Variants in KCNH7 observed in about 807,000 individuals in gnomAD.
KCNH7 encodes voltage-gated inwardly rectifying potassium channel KCNH7.
KCNH7 carries 49 observed loss-of-function variants against 120.8 expected under a neutral mutation model. The ratio of observed to expected loss-of-function variants is 0.41; its 90% CI spans 0.32 to 0.51. KCNH7 has a LOEUF of 0.51. KCNH7 is among the 20% of genes least tolerant of loss of function. The pLI, the probability that KCNH7 is intolerant of heterozygous loss-of-function variation, is 0.38. For missense variants in KCNH7, 1,097 were observed against 1,446.6 expected, an observed-to-expected ratio of 0.76 and a Z score of 3.92; for synonymous variants, 547 against 516.1, an observed-to-expected ratio of 1.06 and a Z score of -0.81.
intron 2 of KCNH7, among the ~76,000 whole-genome samples, chr2:162,676,361 A>G (rs1234042427): frequency 6.6e-6 from 1 of 151,544 alleles, no homozygotes; most frequent in East Asian, 1.9e-4. Context: ...GTTGGGTTTA[A>G]ACAGATAGCA....
chr2:162,762,084 CCTTT>C, intron 2 of KCNH7, among the ~76,000 whole-genome samples: 1 of 152,016 alleles, frequency 6.6e-6, no homozygotes, highest in Non-Finnish European at 1.5e-5. Flanking sequence ...ACAAAGGCTC[CCTTT>C]CTTTCTGCTT....
Position 162,384,894 on chromosome 2 carries a change from T to A in KCNH7, c.2756A>T (p.His919Leu). The change falls in exon 13 of 16, where the codon CAT (histidine) becomes CTT (leucine). Residue 919 changes from histidine to leucine, a missense_variant. Physicochemically the swap from His to Leu is moderately conservative, Grantham distance 99. This residue lies in a region of KCNH7 where 406 missense variants were observed against 410.5 expected (regional missense o/e 0.99). Coordinates refer to ENST00000332142, the MANE Select transcript of KCNH7 (RefSeq NM_033272.4). ...DPEDSADTIRHYQSSKRHFEE... is the reference protein window; with the variant it reads ...DPEDSADTIRLYQSSKRHFEE... The stretch of plus-strand genomic sequence containing the variant: ...AAAGTGTCTCTTGGAACTCTGATAA[T>A]GTCTTATGGTATCTGCAGAGTCTTC... 6.2e-7 allele frequency: 1 copy of A among 1,612,176 alleles called. No individual in the cohort carries two copies. The highest frequency in any genetic ancestry group is 8.5e-7 in the Non-Finnish European group (1 of 1,178,632).
chr2:162,811,073 A>G (rs1017311601), intron 2 of KCNH7, among the ~76,000 whole-genome samples: 2 of 152,130 alleles, frequency 1.3e-5, no homozygotes, highest in Non-Finnish European at 2.9e-5. Flanking sequence ...CTTATGATGA[A>G]TGGCTTTTCT....
intron 2 of KCNH7, among the ~76,000 whole-genome samples, chr2:162,669,482 T>C (rs1456517712): frequency 6.6e-6 from 1 of 152,114 alleles, no homozygotes; most frequent in Admixed American, 6.6e-5. Context: ...ATCTAGGAGG[T>C]GTACAACTCT....
At chr2:162,683,077 A>G (rs964644137) in intron 2 of KCNH7, among the ~76,000 whole-genome samples, 1 of 151,896 alleles carries the variant, frequency 6.6e-6, no homozygotes, top group African/African-American at 2.4e-5. Context: ...AAAAATTTCA[A>G]GCATTGTAGC....
intron 6 of KCNH7, among the ~76,000 whole-genome samples, chr2:162,468,259 A>G (rs1007840273): frequency 5.9e-5 from 9 of 152,184 alleles, no homozygotes; most frequent in Non-Finnish European, 1.0e-4. Flanking sequence ...AGAGAAGAAA[A>G]GTTCTGCAGC....
chr2:162,797,283 G>C (rs1403761008), intron 2 of KCNH7: 3 of 152,144 alleles, frequency 2.0e-5, no homozygotes, highest in African/African-American at 7.2e-5. Context: ...CTGGATTATT[G>C]CATTGGTAAT....
intron 2 of KCNH7, among the ~76,000 whole-genome samples, chr2:162,758,457 T>C (rs771015495): frequency 1.3e-5 from 2 of 152,148 alleles, no homozygotes; most frequent in African/African-American, 4.8e-5. Flanking sequence ...ATTGTTTATA[T>C]GTACACACAC....
At chr2:162,464,915 A>T (rs1183000157) in intron 6 of KCNH7, among the ~76,000 whole-genome samples, 1 of 152,110 alleles carries the variant, frequency 6.6e-6, no homozygotes, top group Non-Finnish European at 1.5e-5. Flanking sequence ...TGTAAAATTA[A>T]AAAAGAAATA....
At chr2:162,794,445 C>G (rs1389717777) in intron 2 of KCNH7, among the ~76,000 whole-genome samples, 1 of 151,980 alleles carries the variant, frequency 6.6e-6, no homozygotes, top group African/African-American at 2.4e-5. Flanking sequence ...CAACTCAGTC[C>G]TGGGCTAGAA....
Position 162,622,510 on chromosome 2 carries a change from T to G in KCNH7, c.308-85430A>C, listed in dbSNP as rs141548124. ...GTTTCCTCTTAACACAGAATAGTTA[T>G]AGTTAAGTAGCCACATGCCAAAGGA... On this transcript the variant is annotated intron_variant, in intron 2 of 15. Coordinates refer to ENST00000332142, the MANE Select transcript of KCNH7 (RefSeq NM_033272.4). Among the ~76,000 whole-genome samples, 387 of 152,294 alleles carry G rather than the reference T, an allele frequency of 2.5e-3. 6 individuals are homozygous for G. Among genetic ancestry groups the G allele is most frequent in the African/African-American group, 9.0e-3 (373 of 41,574 alleles).
rs533151531 is a variant in KCNH7 at position 162,640,474 on chromosome 2, G to A, written c.308-103394C>T. 9.2e-5 allele frequency among the ~76,000 whole-genome samples: 14 copies of A among 151,580 alleles called. No individual in the cohort carries two copies. In the East Asian group the frequency reaches 2.7e-3, roughly 30 times the overall value. On this transcript the variant is annotated intron_variant, in intron 2 of 15. Coordinates refer to ENST00000332142, the MANE Select transcript of KCNH7 (RefSeq NM_033272.4). The stretch of plus-strand genomic sequence containing the variant: ...GGATACCTTTTTCACCAAATGAAGT[G>A]GGAGCAATTGGACATCCCATATACA...
chr2:162,593,125 G>A (rs572418194), intron 2 of KCNH7, among the ~76,000 whole-genome samples: 1 of 152,058 alleles, frequency 6.6e-6, no homozygotes, highest in African/African-American at 2.4e-5. Context: ...CATATTTTTG[G>A]CAACTCTTTC....
intron 6 of KCNH7, among the ~76,000 whole-genome samples, chr2:162,493,496 C>A (rs1690395613): frequency 6.6e-6 from 1 of 152,128 alleles, no homozygotes; most frequent in Non-Finnish European, 1.5e-5. Context: ...AGGTCAGATA[C>A]TAGGTTTGCT....
rs150589900 is a variant in KCNH7, at chr2:162,398,947, A to G, written c.2407+1242T>C. Reference sequence around the variant, plus strand: ...TAATATAATAAAATTATCAAAATATATAAGAAAATCATGTGAGCATCTTTA... The same window carrying G: ...TAATATAATAAAATTATCAAAATATGTAAGAAAATCATGTGAGCATCTTTA... On this transcript the variant is annotated intron_variant, in intron 10 of 15. Coordinates refer to ENST00000332142, the MANE Select transcript of KCNH7 (RefSeq NM_033272.4). 4.2e-3 allele frequency among the ~76,000 whole-genome samples: 637 copies of G among 152,020 alleles called. 5 individuals carry two copies. The highest frequency in any genetic ancestry group is 7.5e-3 in the Non-Finnish European group (512 of 67,880).
intron 2 of KCNH7, among the ~76,000 whole-genome samples, chr2:162,706,000 A>G (rs1326015903): frequency 6.6e-6 from 1 of 152,180 alleles, no homozygotes; most frequent in Non-Finnish European, 1.5e-5. Flanking sequence ...TTCACATTTC[A>G]AAGTTCCTGA....
intron 2 of KCNH7, among the ~76,000 whole-genome samples, chr2:162,752,970 A>G (rs1453233101): frequency 3.4e-4 from 40 of 116,078 alleles, no homozygotes; most frequent in African/African-American, 1.9e-3. Context: ...AAAGAAAAGA[A>G]AAGAAAAGAA....
chr2:162,440,529 C>T (rs553406317), intron 7 of KCNH7, among the ~76,000 whole-genome samples: 1 of 152,080 alleles, frequency 6.6e-6, no homozygotes, highest in South Asian at 2.1e-4. Context: ...AGTTTCTAGT[C>T]CTTTGTTCAG....
At chr2:162,520,738 C>T (rs1456150697) in intron 3 of KCNH7, among the ~76,000 whole-genome samples, 6 of 151,810 alleles carry the variant, frequency 4.0e-5, no homozygotes, top group African/African-American at 1.2e-4. Flanking sequence ...CACTGCACTC[C>T]AGCCTAAGTG....
Sources: allele counts gnomAD v4.1 joint callset (sites outside exome capture counted in the v4.1 genomes callset), GRCh38; gene constraint gnomAD v4.1.1; regional missense constraint gnomAD v4.1.1; transcripts MANE v1.5; gene names NCBI Gene and HGNC (gene_info 2026-07-23, HGNC 2026-07-21).